Variants in EIF4A1 observed in about 807,000 individuals in gnomAD.
The protein encoded by EIF4A1 is eukaryotic translation initiation factor 4A1.
A neutral mutation model predicts 53.5 loss-of-function variants in EIF4A1; 11 were observed. That is an observed-to-expected ratio of 0.21 (90% confidence interval 0.13 to 0.34). EIF4A1 has a LOEUF of 0.34. Ranked by LOEUF, EIF4A1 falls within the 10% of genes least tolerant of loss-of-function variation. The pLI is 1.00. For synonymous variants in EIF4A1, 237 were observed against 186.7 expected (o/e 1.27, Z -2.20); for missense variants, 213 against 530.8 (o/e 0.40, Z 5.88).
intron 4 of EIF4A1, 196 bp downstream of exon 4, chr17:7,575,454 G>A (rs1352452965): frequency 3.4e-6 from 3 of 877,806 alleles, no homozygotes; most frequent in South Asian, 1.4e-5. Context: ...CATTTCCTGA[G>A]TCAAATGGGA....
intron 4 of EIF4A1, 148 bp from the exon 5 acceptor site, chr17:7,576,376 G>T: frequency 9.5e-7 from 1 of 1,050,550 alleles, no homozygotes; most frequent in South Asian, 2.0e-5. Context: ...GTGGATTTTA[G>T]CCTCTGCCTG....
chr17:7,573,291 C>A (rs549885590), intron 1 of EIF4A1: 1 of 287,062 alleles, frequency 3.5e-6, no homozygotes, highest in South Asian at 3.9e-5. Flanking sequence ...GTACCACTCG[C>A]GAGAGGCGGG....
chr17:7,573,236 G>C lies in EIF4A1; in HGVS notation c.23+372G>C, dbSNP rs536346588. On this transcript the variant is annotated intron_variant, in intron 1 of 10. Coordinates refer to ENST00000293831, the MANE Select transcript of EIF4A1 (RefSeq NM_001416.4). Reference sequence around the variant, plus strand: ...AGCCGGCAGGTCCGGTTGCCTCCCTGTGCCGGGGGAGGGACGGCGCGCGGG... The same window carrying C: ...AGCCGGCAGGTCCGGTTGCCTCCCTCTGCCGGGGGAGGGACGGCGCGCGGG... The C allele has an allele frequency of 1.8e-5, 7 of 399,030 alleles. 1 individual carries two copies. The highest frequency in any genetic ancestry group is 1.3e-4 in the African/African-American group (6 of 47,822). 24.7% of individuals were successfully genotyped at this position (399,030 alleles called of 1,614,324 possible).
In EIF4A1 at chr17:7,578,673, T is replaced by A; in HGVS notation, c.*187T>A. On this transcript the variant is annotated 3_prime_UTR_variant, in exon 11 of 11. Coordinates refer to ENST00000293831, the MANE Select transcript of EIF4A1 (RefSeq NM_001416.4). ...AGACACCCTTTTCTTTGGGGTAGGC[T>A]CTTGCCCCAGGCGCCGGCTCTTCTC... 1.8e-6 allele frequency: 1 copy of A among 552,174 alleles called. No individual in the cohort carries two copies. Among genetic ancestry groups the A allele is most frequent in the Non-Finnish European group, 2.8e-6 (1 of 359,298 alleles). The allele number at this position is 552,174 out of a possible 1,614,324, so 34.2% of individuals were successfully genotyped here. A position where few individuals can be genotyped will look rare whatever the true frequency, so the allele number is the denominator to read the frequency against.
chr17:7,573,129 C>A, intron 1 of EIF4A1: 1 of 599,152 alleles, frequency 1.7e-6, no homozygotes, highest in South Asian at 2.0e-5. Flanking sequence ...ATGCGCGAAG[C>A]CCCGGCGCTG....
At chr17:7,576,761 T>C (rs2071406874) in intron 5 of EIF4A1, 69 bp downstream of exon 5, 1 of 1,559,298 alleles carries the variant, frequency 6.4e-7, no homozygotes, top group Non-Finnish European at 8.7e-7. Flanking sequence ...TCTTTCAGCG[T>C]AAGCCAGAGT....
In EIF4A1 at chr17:7,574,490, A is replaced by G. The variant is rs1371055267; in HGVS notation, c.73-56A>G. ...ACCAGATTCTGTTTGCTCGGAGACTACAGCTCAGCTCCACCTTTTCCATGA... is the reference window on the plus strand; with the variant it reads ...ACCAGATTCTGTTTGCTCGGAGACTGCAGCTCAGCTCCACCTTTTCCATGA... On this transcript the variant is annotated intron_variant, in intron 2 of 10. Coordinates refer to ENST00000293831, the MANE Select transcript of EIF4A1 (RefSeq NM_001416.4). The G allele has an allele frequency of 7.5e-6, 12 of 1,610,342 alleles. No homozygotes were observed. The Admixed American group carries it at 1.2e-4, about 16-fold the overall frequency.
Position 7,577,388 on chromosome 17 carries a change from G to A in EIF4A1, c.669G>A (p.Val223=). ...CAATGCCTTCTGATGTGCTTGAGGT[G>A]ACCAAGAAGTTCATGAGGGACCCCA... is the stretch of plus-strand genomic sequence containing the variant. ...SATMPSDVLE[V]TKKFMRDPIR... Residue 223 remains valine (V), a synonymous_variant, in exon 7 of 11, where the codon GTG becomes GTA. Coordinates refer to ENST00000293831, the MANE Select transcript of EIF4A1 (RefSeq NM_001416.4). The surrounding 1 kb of genome is among the most constrained non-coding windows in gnomAD (Gnocchi z 4.7). 6.2e-7 allele frequency: 1 copy of A among 1,614,084 alleles called. No individual in the cohort carries two copies. The highest frequency in any genetic ancestry group is 8.5e-7 in the Non-Finnish European group (1 of 1,180,024).
chr17:7,576,938 T>TTGTACTC, intron 5 of EIF4A1, 118 bp from the exon 6 acceptor site: 1 of 1,377,808 alleles, frequency 7.3e-7, no homozygotes, highest in East Asian at 2.3e-5. Context: ...GGATCAGTCT[T>TTGTACTC]TGTACTCTGA....
At chr17:7,576,495 CAT>C (rs752602133) in intron 4 of EIF4A1, 27 bp from the exon 5 acceptor site, 16 of 1,532,526 alleles carry the variant, frequency 1.0e-5, no homozygotes, top group African/African-American at 2.8e-5. Flanking sequence ...TGGTAACTGA[CAT>C]ATGAGCACCT....
In EIF4A1 at chr17:7,573,011, G is replaced by A; in HGVS notation, c.23+147G>A. ...GGGTCCGACTTGGAGGGGCGAGGGG[G>A]AAGACCCACGGCCGACGCGGCCACC... On this transcript the variant is annotated intron_variant, in intron 1 of 10. Coordinates refer to ENST00000293831, the MANE Select transcript of EIF4A1 (RefSeq NM_001416.4). 8 of 1,451,178 alleles carry A rather than the reference G, an allele frequency of 5.5e-6. No homozygotes were observed. In the South Asian group the frequency reaches 6.9e-5, roughly 13 times the overall value. The allele number at this position is 1,451,178 out of a possible 1,614,324, so 89.9% of individuals were successfully genotyped here. A position where few individuals can be genotyped will look rare whatever the true frequency, so the allele number is the denominator to read the frequency against.
chr17:7,574,461 A>G (rs2071372983), intron 2 of EIF4A1, 85 bp from the exon 3 acceptor site: 1 of 1,601,728 alleles, frequency 6.2e-7, no homozygotes, highest in Non-Finnish European at 8.5e-7. Context: ...TTTTGTTAGT[A>G]GGCACCAGAT....
chr17:7,573,179 G>T, intron 1 of EIF4A1: 2 of 540,892 alleles, frequency 3.7e-6, no homozygotes, highest in South Asian at 4.2e-5. Context: ...GGGAAAGAAA[G>T]GTGGAGGCGG....
intron 1 of EIF4A1, among the ~76,000 whole-genome samples, chr17:7,573,065 G>A (rs765196096): frequency 5.8e-4 from 89 of 152,280 alleles, no homozygotes; most frequent in Admixed American, 1.0e-3. Context: ...GGGACAGCCC[G>A]GCTAGGGTCA....
intron 1 of EIF4A1, chr17:7,573,128 G>T (rs911719892): frequency 1.7e-6 from 1 of 601,232 alleles, no homozygotes; most frequent in Non-Finnish European, 2.9e-6. Context: ...CATGCGCGAA[G>T]CCCCGGCGCT....
At position 7,576,708 on chromosome 17, in the gene EIF4A1, C is replaced by T. The variant is rs764986665; in HGVS notation, c.514+16C>T. 1.3e-6 allele frequency: 2 copies of T among 1,587,242 alleles called. No homozygotes were observed. Among genetic ancestry groups the T allele is most frequent in the Admixed American group, 3.5e-5 (2 of 57,310 alleles). On this transcript the variant is annotated intron_variant, in intron 5 of 10. Coordinates refer to ENST00000293831, the MANE Select transcript of EIF4A1 (RefSeq NM_001416.4). Reference sequence around the variant, plus strand: ...AGATACCTGTGTGAGTAATTCGGTTCTCCAATCCCCTGGGTCACTTTGCTC... The same window carrying T: ...AGATACCTGTGTGAGTAATTCGGTTTTCCAATCCCCTGGGTCACTTTGCTC...
At chr17:7,576,429 A>G (rs2071402707) in intron 4 of EIF4A1, 95 bp from the exon 5 acceptor site, 1 of 1,454,586 alleles carries the variant, frequency 6.9e-7, no homozygotes, top group Non-Finnish European at 9.1e-7. Context: ...CATGCCCCAA[A>G]GTTGTTGGTT....
At chr17:7,574,908 A>T (rs2071380693) in intron 3 of EIF4A1, 5 of 1,024,134 alleles carry the variant, frequency 4.9e-6, no homozygotes, top group Middle Eastern at 3.1e-4. Context: ...CCATGTTTCT[A>T]GTCCAGCTTG....
In EIF4A1 at chr17:7,577,733, G is replaced by GT; in HGVS notation, c.906+28dup. ...TGTGTTTGCCCGCTGCCAGCCTGTT[G>GT]TGGGTCTGCCCGTCAGAAGTGTCCT... On this transcript the variant is annotated intron_variant, in intron 8 of 10. Coordinates refer to ENST00000293831, the MANE Select transcript of EIF4A1 (RefSeq NM_001416.4). The surrounding 1 kb of genome is among the most constrained non-coding windows in gnomAD (Gnocchi z 4.7). 1 of 1,613,750 alleles carries GT rather than the reference G, an allele frequency of 6.2e-7. No individual in the cohort carries two copies. The highest frequency in any genetic ancestry group is 8.5e-7 in the Non-Finnish European group (1 of 1,180,004).
Sources: allele counts gnomAD v4.1 joint callset (sites outside exome capture counted in the v4.1 genomes callset), GRCh38; gene constraint gnomAD v4.1.1; non-coding constraint Gnocchi (gnomAD v3.1); transcripts MANE v1.5; gene names NCBI Gene and HGNC (gene_info 2026-07-23, HGNC 2026-07-21).